Variants in CA10 observed in about 807,000 individuals in gnomAD.
CA10 encodes carbonic anhydrase-related protein 10.
CA10 carries 14 observed loss-of-function variants against 44.2 expected under a neutral mutation model. That is an observed-to-expected ratio of 0.32 (90% CI 0.21 to 0.50). CA10 has a LOEUF of 0.50. CA10 is among the 20% of genes least tolerant of loss of function. The pLI is 0.99. For synonymous variants in CA10, 159 were observed against 141.6 expected, an observed-to-expected ratio of 1.12 and a Z score of -0.87; for missense variants, 350 against 409.7, an observed-to-expected ratio of 0.85 and a Z score of 1.26.
intron 6 of CA10, 50 bp downstream of exon 6, chr17:51,649,132 G>T: frequency 7.2e-7 from 1 of 1,393,214 alleles, no homozygotes; most frequent in Non-Finnish European, 1.0e-6. Context: ...CTTCAGGCAG[G>T]TCTAACCTTT....
At chr17:51,922,619 C>T (rs886638660) in intron 3 of CA10, among the ~76,000 whole-genome samples, 25 of 152,114 alleles carry the variant, frequency 1.6e-4, no homozygotes, top group African/African-American at 5.1e-4. Flanking sequence ...GCTGCCACTT[C>T]GATATCTTTA....
chr17:52,038,173 G>C (rs1986670115), intron 2 of CA10, among the ~76,000 whole-genome samples: 1 of 152,094 alleles, frequency 6.6e-6, no homozygotes, highest in African/African-American at 2.4e-5. Flanking sequence ...TAATTAAGAA[G>C]TTATGCACAT....
At chr17:51,908,356 C>G (rs1420019588) in intron 3 of CA10, among the ~76,000 whole-genome samples, 1 of 152,146 alleles carries the variant, frequency 6.6e-6, no homozygotes. Flanking sequence ...AGGTTTCCAT[C>G]TGAACTTTGC....
intron 3 of CA10, among the ~76,000 whole-genome samples, chr17:51,919,281 CA>C (rs1982129678): frequency 6.6e-6 from 1 of 152,078 alleles, no homozygotes; most frequent in Non-Finnish European, 1.5e-5. Flanking sequence ...TGGGTTTATT[CA>C]AATGGTCAGG....
At chr17:52,132,595 C>A (rs1204320465) in intron 1 of CA10, among the ~76,000 whole-genome samples, 1 of 152,184 alleles carries the variant, frequency 6.6e-6, no homozygotes, top group Admixed American at 6.5e-5. Context: ...TGGGGCACAG[C>A]AACAGGGAAT....
At chr17:51,699,498 C>T (rs17697273) in intron 4 of CA10, among the ~76,000 whole-genome samples, 3,255 of 152,216 alleles carry the variant, frequency 0.021, 107 homozygotes, top group Non-Finnish European at 0.022. Flanking sequence ...CCTGCAAATG[C>T]TTGTCTGCCA....
chr17:51,774,825 A>G (rs945508021), intron 3 of CA10, among the ~76,000 whole-genome samples: 1 of 152,184 alleles, frequency 6.6e-6, no homozygotes, highest in African/African-American at 2.4e-5. Context: ...ATTAAAAGAT[A>G]GTTGAGGAAA....
chr17:51,764,335 C>G (rs1330391765), intron 3 of CA10, among the ~76,000 whole-genome samples: 1 of 152,172 alleles, frequency 6.6e-6, no homozygotes, highest in African/African-American at 2.4e-5. Context: ...GGTGATGATG[C>G]TTCCCTGAGT....
Position 52,000,304 on chromosome 17 carries a change from A to T in CA10, c.137-69172T>A, listed in dbSNP as rs1985379182. On this transcript the variant is annotated intron_variant, in intron 2 of 8. Coordinates refer to ENST00000451037, the MANE Select transcript of CA10 (RefSeq NM_020178.5). ...GTTTCTGAATATCCTGGTTTCATGC[A>T]GGTGTAGTGAAAGCAATAAATCCAC... Among the ~76,000 whole-genome samples, 4 of 152,064 alleles carry T rather than the reference A, an allele frequency of 2.6e-5. No individual in the cohort carries two copies. The South Asian group carries it at 8.3e-4, about 31-fold the overall frequency.
chr17:51,951,214 T>C (rs1044924295), intron 2 of CA10, among the ~76,000 whole-genome samples: 2 of 152,180 alleles, frequency 1.3e-5, no homozygotes, highest in African/African-American at 4.8e-5. Context: ...CAACAGATAT[T>C]GAGCCAATCA....
intron 4 of CA10, among the ~76,000 whole-genome samples, chr17:51,710,153 G>T (rs1915887714): frequency 6.6e-6 from 1 of 152,320 alleles, no homozygotes; most frequent in African/African-American, 2.4e-5. Context: ...AGGGCGGTTT[G>T]ATCTAGTTTA....
At chr17:51,653,772 T>A in intron 4 of CA10, 36 bp from the exon 5 acceptor site, 1 of 1,258,584 alleles carries the variant, frequency 7.9e-7, no homozygotes, top group Non-Finnish European at 1.2e-6. Flanking sequence ...AGAACAATAA[T>A]CCAACATTAA....
rs373264780 is a variant in CA10, at chr17:51,681,610, G to A, written c.466-27874C>T. ...TAACTGTCTCTAGACATTGCCAAAT[G>A]TCCCCTGAAAGGCAATATGGTCCTC... On this transcript the variant is annotated intron_variant, in intron 4 of 8. Transcript: ENST00000451037. 1.8e-4 allele frequency among the ~76,000 whole-genome samples: 28 copies of A among 152,294 alleles called. No individual in the cohort carries two copies. The East Asian group carries it at 3.9e-3, about 21-fold the overall frequency.
rs1347380623 is a variant in CA10 at position 51,630,652 on chromosome 17, A to G, written c.*932T>C. On this transcript the variant is annotated 3_prime_UTR_variant, in exon 9 of 9. Transcript: ENST00000451037. ...CCTGATTGCCACAAACTCAGTAAAA[A>G]CTGGCTGCAAATGAACAAAACATGT... The G allele has an allele frequency of 6.6e-6, 1 of 152,628 alleles. No homozygotes were observed. The highest frequency in any genetic ancestry group is 2.4e-5 in the African/African-American group (1 of 41,458). The allele number at this position is 152,628 out of a possible 1,614,324, so 9.5% of individuals were successfully genotyped here.
chr17:51,936,303 A>G (rs187606253), intron 2 of CA10, among the ~76,000 whole-genome samples: 77 of 152,256 alleles, frequency 5.1e-4, no homozygotes, highest in Middle Eastern at 3.4e-3. Flanking sequence ...ACAAGTTTCT[A>G]TATGTCTATC....
intron 2 of CA10, among the ~76,000 whole-genome samples, chr17:52,019,968 AGTTT>A: frequency 6.6e-6 from 1 of 151,974 alleles, no homozygotes; most frequent in Admixed American, 6.6e-5. Flanking sequence ...GATTAAAAAA[AGTTT>A]GTTATATCAG....
intron 4 of CA10, among the ~76,000 whole-genome samples, chr17:51,730,335 T>G (rs950843650): frequency 1.3e-5 from 2 of 152,252 alleles, no homozygotes; most frequent in African/African-American, 4.8e-5. Flanking sequence ...TTCTTCTGTT[T>G]CTTTGATGAG....
At chr17:51,728,941 G>A (rs1423443451) in intron 4 of CA10, among the ~76,000 whole-genome samples, 2 of 152,160 alleles carry the variant, frequency 1.3e-5, no homozygotes, top group Non-Finnish European at 2.9e-5. Flanking sequence ...GTTAGGGACA[G>A]TTTCAGCTGA....
rs1272360116 is a variant in CA10 at position 51,975,108 on chromosome 17, T to C, written c.137-43976A>G. Among the ~76,000 whole-genome samples, 6 of 152,096 alleles carry C rather than the reference T, an allele frequency of 3.9e-5. No individual in the cohort carries two copies. In the East Asian group the frequency reaches 1.2e-3, roughly 29 times the overall value. On this transcript the variant is annotated intron_variant, in intron 2 of 8. Coordinates refer to ENST00000451037, the MANE Select transcript of CA10 (RefSeq NM_020178.5). ...ACATTATAATCTCTAGATTAATAAA[T>C]AGTAACCTAAAAAGGCATGGCAAAA...
Sources: gnomAD v4.1 joint callset for allele counts (sites outside exome capture counted in the v4.1 genomes callset) on GRCh38, gnomAD v4.1.1 for gene constraint, MANE v1.5 for transcripts, NCBI Gene and HGNC (gene_info 2026-07-23, HGNC 2026-07-21) for gene names.